ITPRID2: variants seen among roughly 807,000 people sequenced by gnomAD.
ITPRID2 encodes the protein ITPR interacting domain containing 2.
ITPRID2 carries 60 observed loss-of-function variants against 124.3 expected under a neutral mutation model. That is an observed-to-expected ratio of 0.48 (90% CI 0.39 to 0.60). The LOEUF is 0.60. Among genes scored for constraint, ITPRID2 ranks in the 20% least tolerant of loss-of-function variants. The pLI, the probability that ITPRID2 is intolerant of heterozygous loss-of-function variation, is 0.00. For synonymous variants in ITPRID2, 521 were observed against 542.9 expected (o/e 0.96, Z 0.56); for missense variants, 1,553 against 1,512.2 (o/e 1.03, Z -0.45).
Position 181,920,692 on chromosome 2 carries a change from G to A in ITPRID2, c.3210+30G>A, listed in dbSNP as rs536868672. On this transcript the variant is annotated intron_variant, in intron 15 of 17. Coordinates refer to ENST00000431877, the MANE Select transcript of ITPRID2 (RefSeq NM_001130445.3). ...GCTTCTTTCCTCTTAAATCACTGGG[G>A]AAGGGAATGATACAACATTTCAGAC... The A allele has an allele frequency of 5.9e-6, 9 of 1,525,918 alleles. No homozygotes were observed. In the South Asian group the frequency reaches 1.0e-4, roughly 17 times the overall value. 94.5% of individuals were successfully genotyped at this position (1,525,918 alleles called of 1,614,324 possible).
Position 181,920,526 on chromosome 2 carries a change from T to G in ITPRID2, c.3145-71T>G, listed in dbSNP as rs1694402312. On this transcript the variant is annotated intron_variant, in intron 14 of 17. Transcript: ENST00000431877. ...TGATTTGAAAAAATATATATGTACATTATAATTATATATGCATGTATGTAT... is the reference window on the plus strand; with the variant it reads ...TGATTTGAAAAAATATATATGTACAGTATAATTATATATGCATGTATGTAT... 5 of 1,114,108 alleles carry G rather than the reference T, an allele frequency of 4.5e-6. No homozygotes were observed. The South Asian group carries it at 8.0e-5, about 18-fold the overall frequency. The allele number at this position is 1,114,108 out of a possible 1,614,324, so 69.0% of individuals were successfully genotyped here.
Position 181,901,924 on chromosome 2 carries a change from A to G in ITPRID2, c.871A>G (p.Thr291Ala), listed in dbSNP as rs1297177097. 2.5e-6 allele frequency: 4 copies of G among 1,613,936 alleles called. No homozygotes were observed. Among genetic ancestry groups the G allele is most frequent in the Non-Finnish European group, 1.7e-6 (2 of 1,179,896 alleles). Residue 291 changes from threonine (T) to alanine (A), a missense_variant, in exon 8 of 18, where the codon ACT (threonine) becomes GCT (alanine). By Grantham distance (58) the Thr-to-Ala change is moderately conservative. Transcript: ENST00000431877. ...ACCTCCACCTTTAACTCGAAGTAAC[A>G]CTGCAAATCGTTTAATGAAAACACT... is the stretch of plus-strand genomic sequence containing the variant. ...DPPPPLTRSN[T>A]ANRLMKTLSK...
rs201254034 is a variant in ITPRID2, at chr2:181,908,278, AC to A, written c.1414-1620del. Among the ~76,000 whole-genome samples, 980 of 152,288 alleles carry A rather than the reference AC, an allele frequency of 6.4e-3. 8 individuals carry two copies. Among genetic ancestry groups the A allele is most frequent in the African/African-American group, 0.022 (926 of 41,548 alleles). ...AATAAATAGATTAAATTTAAAAAAA[AC>A]ATGACAGTGAGAGATTTGGTATATT... is the stretch of plus-strand genomic sequence containing the variant. On this transcript the variant is annotated intron_variant, in intron 8 of 17. Coordinates refer to ENST00000431877, the MANE Select transcript of ITPRID2 (RefSeq NM_001130445.3).
Position 181,905,917 on chromosome 2 carries a change from A to G in ITPRID2, c.1413+3451A>G, listed in dbSNP as rs1220722108. 6.6e-6 allele frequency among the ~76,000 whole-genome samples: 1 copy of G among 152,226 alleles called. No homozygotes were observed. Among genetic ancestry groups the G allele is most frequent in the Non-Finnish European group, 1.5e-5 (1 of 68,034 alleles). ...GTTTTGAAGATAAGCCTGCCCTGGA[A>G]TATGAACTCTAACATATGACATGCA... On this transcript the variant is annotated intron_variant, in intron 8 of 17. Coordinates refer to ENST00000431877, the MANE Select transcript of ITPRID2 (RefSeq NM_001130445.3). The surrounding 1 kb of genome is among the most constrained non-coding windows in gnomAD (Gnocchi z 4.1).
chr2:181,919,108 T>C lies in ITPRID2; in HGVS notation c.2994-188T>C, dbSNP rs543137998. On this transcript the variant is annotated intron_variant, in intron 13 of 17. Transcript: ENST00000431877. This position sits in a 1 kb window ranked among gnomAD's most constrained non-coding sequence, Gnocchi z 4.2. ...ACCTGCTTTCCCGTGTTTGAGATAT[T>C]TGTGAGAGGATAGGGGAAGAAAGAC... 1.3e-5 allele frequency among the ~76,000 whole-genome samples: 2 copies of C among 152,300 alleles called. No individual in the cohort carries two copies. The highest frequency in any genetic ancestry group is 4.1e-4 in the South Asian group (2 of 4,828).
intron 9 of ITPRID2, among the ~76,000 whole-genome samples, chr2:181,911,211 T>C (rs1043085952): frequency 6.6e-6 from 1 of 152,204 alleles, no homozygotes; most frequent in Non-Finnish European, 1.5e-5. Context: ...TTTCATCATC[T>C]TGAAAAGTAT....
chr2:181,895,386 G>A (rs1311396663), intron 2 of ITPRID2, among the ~76,000 whole-genome samples: 1 of 151,982 alleles, frequency 6.6e-6, no homozygotes, highest in Non-Finnish European at 1.5e-5. Context: ...TCTTAATGTT[G>A]ATTCTCAAGT....
chr2:181,915,645 A>G lies in ITPRID2; in HGVS notation c.2005A>G (p.Ile669Val), dbSNP rs750124561. The stretch of plus-strand genomic sequence containing the variant: ...CCATATTCTGAAATCATTGGCTTCT[A>G]TTGAAGCTAAATGCAGTGATATGAG... ...THHILKSLAS[I>V]EAKCSDMSSE... The change falls in exon 11 of 18, where the codon ATT becomes GTT. Residue 669 changes from isoleucine to valine, a missense_variant. By Grantham distance (29) the Ile-to-Val change is conservative (BLOSUM62 3). Transcript: ENST00000431877. 2.6e-5 allele frequency: 42 copies of G among 1,614,126 alleles called. No homozygotes were observed. Among genetic ancestry groups the G allele is most frequent in the East Asian group, 1.1e-4 (5 of 44,904 alleles).
At chr2:181,898,271 T>C (rs1180303987) in intron 4 of ITPRID2, among the ~76,000 whole-genome samples, 1 of 152,052 alleles carries the variant, frequency 6.6e-6, no homozygotes, top group East Asian at 1.9e-4. Flanking sequence ...TTTTATTCTT[T>C]GTATTTGTCT....
In ITPRID2 at chr2:181,898,874, C is replaced by G. The variant is rs199663604; in HGVS notation, c.365-6C>G. 9.7e-5 allele frequency: 155 copies of G among 1,606,052 alleles called. 5 individuals carry two copies. In the Middle Eastern group the frequency reaches 7.8e-3, roughly 81 times the overall value. On this transcript the variant is annotated splice_polypyrimidine_tract_variant and splice_region_variant and intron_variant, in intron 4 of 17. Coordinates refer to ENST00000431877, the MANE Select transcript of ITPRID2 (RefSeq NM_001130445.3). ...TGTGCTCTACGTTTATTGTTTTTAC[C>G]TGTAGCCAACCACCTCCATGAAAGT...
chr2:181,911,658 T>C (rs1441883538), intron 9 of ITPRID2, among the ~76,000 whole-genome samples: 1 of 152,222 alleles, frequency 6.6e-6, no homozygotes, highest in Non-Finnish European at 1.5e-5. Flanking sequence ...AATCCTTTTT[T>C]ATAGTTCCAT....
intron 2 of ITPRID2, chr2:181,893,923 T>G (rs1691971311): frequency 1.3e-5 from 2 of 152,108 alleles, no homozygotes; most frequent in South Asian, 4.1e-4. Flanking sequence ...TTGGGTGAGA[T>G]CTGATAAAAC....
At chr2:181,900,961 G>A in intron 7 of ITPRID2, 57 bp downstream of exon 7, 2 of 1,348,194 alleles carry the variant, frequency 1.5e-6, no homozygotes, top group South Asian at 2.8e-5. Context: ...TCTACAGCAA[G>A]ATGGTCTTAT....
chr2:181,901,356 AG>A (rs1357684383), intron 7 of ITPRID2, among the ~76,000 whole-genome samples: 1 of 152,182 alleles, frequency 6.6e-6, no homozygotes, highest in African/African-American at 2.4e-5. Flanking sequence ...ATCAGTTTTA[AG>A]AGATCAATAA....
chr2:181,929,048 A>G (rs531094685), intron 17 of ITPRID2, among the ~76,000 whole-genome samples: 1 of 152,194 alleles, frequency 6.6e-6, no homozygotes, highest in South Asian at 2.1e-4. Context: ...CTGTCTTAGT[A>G]AAACGAATTA....
Position 181,902,521 on chromosome 2 carries a change from C to T in ITPRID2, c.1413+55C>T, listed in dbSNP as rs958504111. On this transcript the variant is annotated intron_variant, in intron 8 of 17. Transcript: ENST00000431877. The surrounding 1 kb of genome is among the most constrained non-coding windows in gnomAD (Gnocchi z 4.4). The stretch of plus-strand genomic sequence containing the variant: ...AAGTTGCAGACTAGGAAAAAAAGTA[C>T]CAAAAATGCTTATAAAATGAGAGGT... 7.0e-6 allele frequency: 9 copies of T among 1,285,908 alleles called. No homozygotes were observed. In the East Asian group the frequency reaches 2.2e-4, roughly 31 times the overall value. The allele number at this position is 1,285,908 out of a possible 1,614,324, so 79.7% of individuals were successfully genotyped here.
chr2:181,901,879 T>C lies in ITPRID2; in HGVS notation c.826T>C (p.Ser276Pro). ...QRIGSMSSVT[S>P]NKETDPPPPL... is the part of the protein sequence containing the mutation. ...AATTGGAAGTATGTCCTCAGTGACC[T>C]CTAACAAGGAGACAGACCCACCTCC... Residue 276 changes from serine (S) to proline (P), a missense_variant, in exon 8 of 18, where the codon TCT (serine) becomes CCT (proline). Physicochemically the swap from Ser to Pro is moderately conservative, Grantham distance 74. Transcript: ENST00000431877. 6.2e-7 allele frequency: 1 copy of C among 1,613,940 alleles called. No homozygotes were observed. Among genetic ancestry groups the C allele is most frequent in the Non-Finnish European group, 8.5e-7 (1 of 1,179,884 alleles).
Position 181,896,783 on chromosome 2 carries a change from C to T in ITPRID2, c.308-125C>T. 1.4e-6 allele frequency: 1 copy of T among 730,956 alleles called. No homozygotes were observed. The highest frequency in any genetic ancestry group is 2.4e-6 in the Non-Finnish European group (1 of 412,836). The allele number at this position is 730,956 out of a possible 1,614,324, so 45.3% of individuals were successfully genotyped here. Reference sequence around the variant, plus strand: ...ATATAATCAGAATAATGTCTGAGTACATTCAAGTCTGAAAGATTTTACTGT... The same window carrying T: ...ATATAATCAGAATAATGTCTGAGTATATTCAAGTCTGAAAGATTTTACTGT... On this transcript the variant is annotated intron_variant, in intron 3 of 17. Coordinates refer to ENST00000431877, the MANE Select transcript of ITPRID2 (RefSeq NM_001130445.3). This position sits in a 1 kb window ranked among gnomAD's most constrained non-coding sequence, Gnocchi z 4.3.
In ITPRID2 at chr2:181,921,957, C is replaced by T; in HGVS notation, c.3220C>T (p.Leu1074=). The change falls in exon 16 of 18, where the codon CTG becomes TTG. Residue 1074 remains leucine (L), a synonymous_variant. Coordinates refer to ENST00000431877, the MANE Select transcript of ITPRID2 (RefSeq NM_001130445.3). ...PLNVMEPVTE[L]MQEQSYLKSE... ...TTTTTATGATCTCCAGGTCACTGAA[C>T]TGATGCAGGAGCAGTCATACCTGAA... The T allele has an allele frequency of 6.2e-7, 1 of 1,613,670 alleles. No individual in the cohort carries two copies. The highest frequency in any genetic ancestry group is 8.5e-7 in the Non-Finnish European group (1 of 1,179,768).
Sources: allele counts gnomAD v4.1 joint callset (sites outside exome capture counted in the v4.1 genomes callset), GRCh38; gene constraint gnomAD v4.1.1; non-coding constraint Gnocchi (gnomAD v3.1); transcripts MANE v1.5; gene names NCBI Gene and HGNC (gene_info 2026-07-23, HGNC 2026-07-21).